The following APOLD1 variants were observed in gnomAD, a reference collection of about 807,000 sequenced individuals.
APOLD1 encodes the protein apolipoprotein L domain-containing protein 1.
In APOLD1, 22 loss-of-function variants were observed where a neutral mutation model predicts 15.3. The ratio of observed to expected loss-of-function variants is 1.44; its 90% CI spans 1.03 to 2.05. APOLD1 has a LOEUF of 2.05. Among genes scored for constraint, APOLD1 ranks in the 30% most tolerant of loss-of-function variants. The pLI is 0.00. For missense variants in APOLD1, 394 were observed against 353.5 expected, an observed-to-expected ratio of 1.11 and a Z score of -0.92; for synonymous variants, 190 against 167.4, an observed-to-expected ratio of 1.13 and a Z score of -1.04.
At chr12:12,782,761 G>A (rs1006834598), upstream of APOLD1, among the ~76,000 whole-genome samples, 3 of 152,222 alleles carry the variant, frequency 2.0e-5, no homozygotes, top group Non-Finnish European at 2.9e-5. Context: ...CTAGGGTGAT[G>A]TGTTGGAAGT....
chr12:12,726,107 G>A (rs1946589902), intron 1 of APOLD1: 1 of 1,489,562 alleles, frequency 6.7e-7, no homozygotes, highest in Non-Finnish European at 9.0e-7. Flanking sequence ...GTAGAACTGG[G>A]GAGTGCGGGA....
Position 12,761,835 on chromosome 12 carries a change from A to ATATATATATAT in APOLD1, c.97-25074_97-25073insTATATATATAT, listed in dbSNP as rs1565432774. Reference sequence around the variant, plus strand: ...TATACATATATGTATATGTATAGAGAGAGAGAGAGAGAGAGAGAGAGAGAG... The same window carrying ATATATATATAT: ...TATACATATATGTATATGTATAGAGATATATATATATGAGAGAGAGAGAGAGAGAGAGAGAG... On this transcript the variant is annotated intron_variant, in intron 1 of 1. Coordinates refer to the APOLD1 transcript ENST00000326765. Among the ~76,000 whole-genome samples the ATATATATATAT allele has an allele frequency of 2.8e-4, 35 of 123,376 alleles. 1 individual carries two copies. Among genetic ancestry groups the ATATATATATAT allele is most frequent in the South Asian group, 2.7e-3 (10 of 3,646 alleles). The allele number at this position is 123,376 out of a possible 152,430, so 80.9% of individuals were successfully genotyped here.
chr12:12,735,281 G>A (rs1433649422), intron 1 of APOLD1, among the ~76,000 whole-genome samples: 1 of 152,068 alleles, frequency 6.6e-6, no homozygotes, highest in African/African-American at 2.4e-5. Context: ...CACCTGCAGT[G>A]CCTTCCCCTA....
Position 12,789,417 on chromosome 12 carries a change from G to A in APOLD1, c.*1765G>A, listed in dbSNP as rs958433743. 6.6e-6 allele frequency: 1 copy of A among 152,226 alleles called. No individual in the cohort carries two copies. Among genetic ancestry groups the A allele is most frequent in the African/African-American group, 2.4e-5 (1 of 41,452 alleles). 9.4% of individuals were successfully genotyped at this position (152,226 alleles called of 1,614,324 possible). On this transcript the variant is annotated 3_prime_UTR_variant, in exon 2 of 2. Transcript: ENST00000356591. ...CTTGTAATGGAAGCTTGCATTGTGG[G>A]ATATATAACTGAGGAAGCATATTTA...
At chr12:12,771,001 C>T (rs191657243) in intron 1 of APOLD1, among the ~76,000 whole-genome samples, 21 of 152,156 alleles carry the variant, frequency 1.4e-4, no homozygotes, top group African/African-American at 3.1e-4. Context: ...GAATTCTGTA[C>T]GCTGTGAAAT....
chr12:12,738,210 T>TTG (rs1253061816), intron 1 of APOLD1, among the ~76,000 whole-genome samples: 1 of 149,938 alleles, frequency 6.7e-6, no homozygotes, highest in Non-Finnish European at 1.5e-5. Context: ...TCCTTTTTTT[T>TTG]TTTTTTTTTT....
At chr12:12,748,558 G>A (rs1041903461) in intron 1 of APOLD1, among the ~76,000 whole-genome samples, 6 of 152,192 alleles carry the variant, frequency 3.9e-5, no homozygotes, top group Non-Finnish European at 8.8e-5. Flanking sequence ...TGCATACAAT[G>A]TGTGATGATC....
chr12:12,782,326 C>A (rs1330876337), upstream of APOLD1, among the ~76,000 whole-genome samples: 3 of 152,106 alleles, frequency 2.0e-5, no homozygotes, highest in African/African-American at 7.2e-5. Context: ...GGTTCACAAA[C>A]CTGGCTGCAG....
At chr12:12,770,211 C>A (rs1209706112) in intron 1 of APOLD1, among the ~76,000 whole-genome samples, 1 of 152,136 alleles carries the variant, frequency 6.6e-6, no homozygotes, top group Non-Finnish European at 1.5e-5. Context: ...TCAAGACCAG[C>A]CTGACAAGCA....
At chr12:12,743,216 C>T (rs982505464) in intron 1 of APOLD1, among the ~76,000 whole-genome samples, 1 of 152,152 alleles carries the variant, frequency 6.6e-6, no homozygotes, top group Non-Finnish European at 1.5e-5. Flanking sequence ...ATTAAAAGGT[C>T]ATTTTATTTG....
chr12:12,771,700 G>A, intron 1 of APOLD1: 1 of 424,332 alleles, frequency 2.4e-6, no homozygotes. Context: ...CCAAGGGTTG[G>A]GCACTTCCTA....
intron 1 of APOLD1, among the ~76,000 whole-genome samples, chr12:12,740,686 C>T (rs1946724008): frequency 6.6e-6 from 1 of 152,150 alleles, no homozygotes; most frequent in South Asian, 2.1e-4. Flanking sequence ...AAGGTCCCTC[C>T]AGGCAGTGAC....
At chr12:12,781,770 G>A (rs1592309433), upstream of APOLD1, among the ~76,000 whole-genome samples, 1 of 151,052 alleles carries the variant, frequency 6.6e-6, no homozygotes, top group African/African-American at 2.4e-5. Context: ...CTCATGATCT[G>A]CCTGCCTCGG....
intron 1 of APOLD1, chr12:12,786,675 C>A (rs1472565731): frequency 1.0e-6 from 1 of 985,274 alleles, no homozygotes; most frequent in Non-Finnish European, 1.2e-6. Context: ...TAGCATTATT[C>A]CTATTTCCAT....
Position 12,785,686 on chromosome 12 carries a change from A to G in APOLD1, c.-6A>G. The G allele has an allele frequency of 6.2e-7, 1 of 1,614,096 alleles. No individual in the cohort carries two copies. Among genetic ancestry groups the G allele is most frequent in the Non-Finnish European group, 8.5e-7 (1 of 1,179,930 alleles). The stretch of plus-strand genomic sequence containing the variant: ...ATTTTACTTTCCTGGAGGCAGACAG[A>G]AGTGAATGGTAAGTGGGGAACCCTG... On this transcript the variant is annotated 5_prime_UTR_variant, in exon 1 of 2. Transcript: ENST00000356591.
chr12:12,736,169 G>T (rs758462510), intron 1 of APOLD1, among the ~76,000 whole-genome samples: 1 of 152,008 alleles, frequency 6.6e-6, no homozygotes, highest in Non-Finnish European at 1.5e-5. Flanking sequence ...GGCCAGCCTG[G>T]TGAAACCCCG....
At chr12:12,763,740 C>T (rs899742771) in intron 1 of APOLD1, among the ~76,000 whole-genome samples, 9 of 152,160 alleles carry the variant, frequency 5.9e-5, no homozygotes, top group African/African-American at 1.9e-4. Flanking sequence ...AACCAATCCC[C>T]CACTTATATG....
intron 1 of APOLD1, among the ~76,000 whole-genome samples, chr12:12,773,168 C>T (rs901311275): frequency 2.4e-4 from 36 of 152,134 alleles, no homozygotes; most frequent in Admixed American, 2.3e-3. Flanking sequence ...ATTTTTGTAG[C>T]ATTGAATGCG....
chr12:12,769,860 C>T (rs546964594), intron 1 of APOLD1, among the ~76,000 whole-genome samples: 52 of 152,210 alleles, frequency 3.4e-4, no homozygotes, highest in African/African-American at 6.5e-4. Flanking sequence ...ACCTAATTAT[C>T]GGACTGTAGA....
Sources: allele counts gnomAD v4.1 joint callset (sites outside exome capture counted in the v4.1 genomes callset), GRCh38; gene constraint gnomAD v4.1.1; transcripts MANE v1.5; gene names NCBI Gene and HGNC (gene_info 2026-07-23, HGNC 2026-07-21).